KCNIP4: variants seen among roughly 807,000 people sequenced by gnomAD.
KCNIP4 encodes the protein potassium voltage-gated channel interacting protein 4.
KCNIP4 carries 12 observed loss-of-function variants against 34.0 expected under a neutral mutation model. The observed-to-expected ratio is 0.35, with a 90% CI of 0.23 to 0.57. The LOEUF is 0.57. KCNIP4 is among the 20% of genes least tolerant of loss of function. The pLI, the probability that KCNIP4 is intolerant of heterozygous loss-of-function variation, is 0.83. For synonymous variants in KCNIP4, 124 were observed against 102.2 expected (o/e 1.21, Z -1.29); for missense variants, 238 against 311.7 (o/e 0.76, Z 1.78).
intron 1 of KCNIP4, among the ~76,000 whole-genome samples, chr4:21,527,932 C>G (rs539888381): frequency 1.5e-3 from 232 of 152,260 alleles, no homozygotes; most frequent in Admixed American, 2.7e-3. Flanking sequence ...AAGGAATCCT[C>G]CTAGGTACAA....
At chr4:21,019,002 C>T (rs759709982) in intron 1 of KCNIP4, among the ~76,000 whole-genome samples, 7 of 152,170 alleles carry the variant, frequency 4.6e-5, no homozygotes, top group Non-Finnish European at 1.0e-4. Flanking sequence ...TATTTTCTCA[C>T]TCTTCTAGCA....
intron 1 of KCNIP4, among the ~76,000 whole-genome samples, chr4:21,351,505 T>C (rs1350789882): frequency 2.0e-5 from 3 of 152,220 alleles, no homozygotes; most frequent in Non-Finnish European, 4.4e-5. Flanking sequence ...CCATTACACT[T>C]ATTTTTCTTT....
chr4:20,943,349 C>A (rs542025916), intron 1 of KCNIP4, among the ~76,000 whole-genome samples: 1 of 152,310 alleles, frequency 6.6e-6, no homozygotes, highest in Non-Finnish European at 1.5e-5. Flanking sequence ...AGACTGTATT[C>A]TCTTCTTATG....
chr4:21,634,831 T>C (rs1435252155), intron 1 of KCNIP4, among the ~76,000 whole-genome samples: 2 of 152,158 alleles, frequency 1.3e-5, no homozygotes, highest in Non-Finnish European at 2.9e-5. Context: ...TTATAACCAA[T>C]ATATCACATT....
intron 1 of KCNIP4, among the ~76,000 whole-genome samples, chr4:21,123,046 C>CA (rs35776568): frequency 0.13 from 20,261 of 150,316 alleles, 1,477 homozygotes; most frequent in East Asian, 0.18. Context: ...CCATCTCTAC[C>CA]AAAAAAAAAT....
At chr4:21,397,022 G>C (rs1723068127) in intron 1 of KCNIP4, among the ~76,000 whole-genome samples, 1 of 152,026 alleles carries the variant, frequency 6.6e-6, no homozygotes, top group African/African-American at 2.4e-5. Context: ...TTTCCCAGTG[G>C]GGAAAATAAA....
chr4:21,566,165 C>T (rs1048061520), intron 1 of KCNIP4, among the ~76,000 whole-genome samples: 5 of 151,988 alleles, frequency 3.3e-5, no homozygotes, highest in Admixed American at 6.6e-5. Flanking sequence ...AGGGCGGAGC[C>T]GAAAGTATTT....
intron 3 of KCNIP4, among the ~76,000 whole-genome samples, chr4:20,773,516 G>A (rs185937943): frequency 2.2e-4 from 33 of 152,284 alleles, no homozygotes; most frequent in African/African-American, 7.7e-4. Flanking sequence ...CGCTTCCGAG[G>A]GCTCTCTGGA....
At chr4:21,239,422 A>T (rs1467117898) in intron 1 of KCNIP4, among the ~76,000 whole-genome samples, 1 of 151,514 alleles carries the variant, frequency 6.6e-6, no homozygotes, top group Admixed American at 6.6e-5. Flanking sequence ...AGAAACTACC[A>T]TCAGAGTGAA....
chr4:21,450,565 G>A (rs997827567), intron 1 of KCNIP4, among the ~76,000 whole-genome samples: 1 of 152,120 alleles, frequency 6.6e-6, no homozygotes, highest in African/African-American at 2.4e-5. Flanking sequence ...AGTAAAGGGT[G>A]GGGGCAAGAG....
intron 1 of KCNIP4, among the ~76,000 whole-genome samples, chr4:21,727,474 C>G (rs943037177): frequency 1.3e-5 from 2 of 152,080 alleles, no homozygotes; most frequent in Non-Finnish European, 2.9e-5. Context: ...TATAATTTAT[C>G]CAATCTGTGT....
chr4:20,766,149 AGAT>A (rs1269304743), intron 3 of KCNIP4, among the ~76,000 whole-genome samples: 1 of 152,212 alleles, frequency 6.6e-6, no homozygotes, highest in Non-Finnish European at 1.5e-5. Flanking sequence ...GGGAATAGAA[AGAT>A]GTTAGTATTA....
chr4:21,699,813 G>A (rs888133600), intron 1 of KCNIP4, among the ~76,000 whole-genome samples: 1 of 152,090 alleles, frequency 6.6e-6, no homozygotes, highest in African/African-American at 2.4e-5. Flanking sequence ...AGCCACTCTA[G>A]GGAATAGGGG....
chr4:21,726,671 T>C (rs1473951441), intron 1 of KCNIP4, among the ~76,000 whole-genome samples: 1 of 152,164 alleles, frequency 6.6e-6, no homozygotes, highest in East Asian at 1.9e-4. Context: ...AAATAAATCA[T>C]TTATCACTCT....
intron 1 of KCNIP4, among the ~76,000 whole-genome samples, chr4:21,514,971 C>A (rs1179264254): frequency 6.6e-6 from 1 of 152,262 alleles, no homozygotes; most frequent in Non-Finnish European, 1.5e-5. Flanking sequence ...CTATGAAGTC[C>A]ATTTGATTTA....
chr4:20,908,191 C>T (rs571017347), intron 1 of KCNIP4, among the ~76,000 whole-genome samples: 2 of 150,730 alleles, frequency 1.3e-5, no homozygotes, highest in East Asian at 2.0e-4. Context: ...CTTCCGCCTG[C>T]TGGGTTCAAG....
intron 1 of KCNIP4, among the ~76,000 whole-genome samples, chr4:20,885,450 G>A (rs924496997): frequency 4.1e-5 from 6 of 145,604 alleles, no homozygotes; most frequent in Non-Finnish European, 7.6e-5. Flanking sequence ...AACTCAGCAT[G>A]AGGACCATTT....
chr4:20,858,515 C>A (rs114633538), intron 2 of KCNIP4, among the ~76,000 whole-genome samples: 1 of 152,142 alleles, frequency 6.6e-6, no homozygotes, highest in African/African-American at 2.4e-5. Context: ...GGGCAGTTTG[C>A]TAGCCAATTA....
intron 1 of KCNIP4, among the ~76,000 whole-genome samples, chr4:21,167,900 T>C (rs752830675): frequency 1.3e-5 from 2 of 152,152 alleles, no homozygotes; most frequent in Non-Finnish European, 2.9e-5. Flanking sequence ...AGGAAAGTAC[T>C]TGGAGAGAAA....
Sources: allele counts gnomAD v4.1 joint callset (sites outside exome capture counted in the v4.1 genomes callset), GRCh38; gene constraint gnomAD v4.1.1; transcripts MANE v1.5; gene names NCBI Gene and HGNC (gene_info 2026-07-23, HGNC 2026-07-21).